EPB41L2: variants seen among roughly 807,000 people sequenced by gnomAD.
EPB41L2 encodes the protein band 4.1-like protein 2.
In EPB41L2, 43 loss-of-function variants were observed where a neutral mutation model predicts 113.0. The ratio of observed to expected loss-of-function variants is 0.38; its 90% CI spans 0.30 to 0.49. The LOEUF (loss-of-function observed/expected upper bound fraction) is 0.49. EPB41L2 is among the 20% of genes least tolerant of loss of function. The pLI is 0.95. For synonymous variants in EPB41L2, 442 were observed against 436.7 expected (o/e 1.01, Z -0.15); for missense variants, 1,147 against 1,223.4 (o/e 0.94, Z 0.93).
At chr6:130,942,766 G>T (rs1159805282) in intron 3 of EPB41L2, among the ~76,000 whole-genome samples, 1 of 152,040 alleles carries the variant, frequency 6.6e-6, no homozygotes, top group Non-Finnish European at 1.5e-5. Context: ...TCCACCACCT[G>T]ACAGGCCCTG....
intron 4 of EPB41L2, among the ~76,000 whole-genome samples, chr6:130,919,247 A>T: frequency 6.6e-6 from 1 of 152,176 alleles, no homozygotes; most frequent in African/African-American, 2.4e-5. Flanking sequence ...ACCACGTATA[A>T]TAAGGAATTA....
rs1037997579 is a variant in EPB41L2, at chr6:130,908,680, C to T, written c.853+141G>A. 4.2e-5 allele frequency: 24 copies of T among 564,928 alleles called. No individual in the cohort carries two copies. In the South Asian group the frequency reaches 8.0e-4, roughly 19 times the overall value. The allele number at this position is 564,928 out of a possible 1,614,324, so 35.0% of individuals were successfully genotyped here. ...AGCCATGTACGAAACAGTCACAATTCCACAAAAATATTATTAGTATTATTA... is the reference window on the plus strand; with the variant it reads ...AGCCATGTACGAAACAGTCACAATTTCACAAAAATATTATTAGTATTATTA... On this transcript the variant is annotated intron_variant, in intron 5 of 19. Coordinates refer to ENST00000337057, the MANE Select transcript of EPB41L2 (RefSeq NM_001431.4).
At chr6:130,919,993 C>T (rs7762876) in intron 4 of EPB41L2, among the ~76,000 whole-genome samples, 1,948 of 152,144 alleles carry the variant, frequency 0.013, 38 homozygotes, top group South Asian at 0.039. Flanking sequence ...TTTTTAACAA[C>T]TGCACCACCT....
intron 1 of EPB41L2, among the ~76,000 whole-genome samples, chr6:130,957,080 C>T (rs930161784): frequency 2.6e-5 from 4 of 152,114 alleles, no homozygotes; most frequent in Non-Finnish European, 4.4e-5. Context: ...TATTAAATCC[C>T]GTAATTCACC....
intron 1 of EPB41L2, among the ~76,000 whole-genome samples, chr6:130,964,020 CTTTT>C: frequency 6.8e-6 from 1 of 147,396 alleles, no homozygotes; most frequent in African/African-American, 2.6e-5. Flanking sequence ...TCTTTCTTTT[CTTTT>C]CCTTTTTTTT....
chr6:130,890,171 C>A (rs138338232), intron 11 of EPB41L2, 123 bp downstream of exon 11: 11 of 967,096 alleles, frequency 1.1e-5, no homozygotes, highest in Non-Finnish European at 1.6e-5. Context: ...TTTATTTACT[C>A]GGGAAAAAAT....
intron 19 of EPB41L2, among the ~76,000 whole-genome samples, chr6:130,844,799 T>C (rs1241173486): frequency 2.0e-5 from 3 of 152,238 alleles, no homozygotes; most frequent in African/African-American, 7.2e-5. Context: ...TCCCAGCACT[T>C]TGGGAGGTCG....
At chr6:130,900,930 G>T in intron 7 of EPB41L2, 32 bp downstream of exon 7, 5 of 1,597,352 alleles carry the variant, frequency 3.1e-6, no homozygotes, top group Non-Finnish European at 4.3e-6. Flanking sequence ...AATCTCCCAT[G>T]GCCATTCTCT....
At chr6:130,974,878 C>T (rs1299553987) in intron 1 of EPB41L2, among the ~76,000 whole-genome samples, 2 of 151,862 alleles carry the variant, frequency 1.3e-5, no homozygotes, top group Non-Finnish European at 2.9e-5. Context: ...CTGCCTCAGC[C>T]TCCCGAGTAC....
chr6:130,904,619 T>C, intron 5 of EPB41L2, 79 bp from the exon 6 acceptor site: 1 of 927,126 alleles, frequency 1.1e-6, no homozygotes, highest in Non-Finnish European at 1.7e-6. Context: ...AGGTCAAGGA[T>C]CAAACAGTAC....
At chr6:131,039,354 T>C (rs1041587121) in intron 1 of EPB41L2, among the ~76,000 whole-genome samples, 1 of 152,142 alleles carries the variant, frequency 6.6e-6, no homozygotes, top group African/African-American at 2.4e-5. Context: ...CAGGAAACTA[T>C]CAGAATAGGA....
chr6:130,942,718 C>T (rs1437375358), intron 3 of EPB41L2, among the ~76,000 whole-genome samples: 1 of 152,180 alleles, frequency 6.6e-6, no homozygotes, highest in Non-Finnish European at 1.5e-5. Flanking sequence ...CTGTCATCTA[C>T]ATTAGGTATT....
rs890181199 is a variant in EPB41L2 at position 130,926,841 on chromosome 6, A to G, written c.706-132T>C. 150 of 594,964 alleles carry G rather than the reference A, an allele frequency of 2.5e-4. 2 individuals carry two copies. The highest frequency in any genetic ancestry group is 3.0e-4 in the Admixed American group (8 of 26,680). The allele number at this position is 594,964 out of a possible 1,614,324, so 36.9% of individuals were successfully genotyped here. On this transcript the variant is annotated intron_variant, in intron 3 of 19. Transcript: ENST00000337057. Reference sequence around the variant, plus strand: ...ATATTTGTTTTCTCATTTTCTAACAATATAAAAGTGATTAATTTTTTAACT... The same window carrying G: ...ATATTTGTTTTCTCATTTTCTAACAGTATAAAAGTGATTAATTTTTTAACT...
At chr6:130,858,851 A>G (rs556986056) in intron 18 of EPB41L2, among the ~76,000 whole-genome samples, 2 of 152,388 alleles carry the variant, frequency 1.3e-5, no homozygotes, top group Admixed American at 6.5e-5. Context: ...GCAACAACAT[A>G]CAATTAGTAA....
At chr6:130,961,285 T>A (rs893664218) in intron 1 of EPB41L2, among the ~76,000 whole-genome samples, 1 of 152,212 alleles carries the variant, frequency 6.6e-6, no homozygotes, top group Non-Finnish European at 1.5e-5. Context: ...ACAATTACCA[T>A]GTTGGCATGC....
At chr6:131,004,778 C>G (rs889664141) in intron 1 of EPB41L2, among the ~76,000 whole-genome samples, 1 of 152,152 alleles carries the variant, frequency 6.6e-6, no homozygotes, top group Admixed American at 6.5e-5. Context: ...CTGCCCAAAT[C>G]ACCCAACTCC....
chr6:130,957,635 A>C (rs962903195), intron 1 of EPB41L2, among the ~76,000 whole-genome samples: 4 of 152,190 alleles, frequency 2.6e-5, no homozygotes, highest in Non-Finnish European at 5.9e-5. Context: ...TCTCTTAAAA[A>C]AAAAAAAAAT....
chr6:130,993,760 C>G (rs945594491), intron 1 of EPB41L2, among the ~76,000 whole-genome samples: 2 of 152,120 alleles, frequency 1.3e-5, no homozygotes, highest in Non-Finnish European at 2.9e-5. Context: ...CTTTCAGGCC[C>G]TGGGGAGAAT....
At chr6:131,019,013 T>C (rs1412332431) in intron 1 of EPB41L2, among the ~76,000 whole-genome samples, 1 of 152,190 alleles carries the variant, frequency 6.6e-6, no homozygotes, top group Non-Finnish European at 1.5e-5. Context: ...ACATGCTCAT[T>C]TGCATATTAA....
Sources: allele counts gnomAD v4.1 joint callset (sites outside exome capture counted in the v4.1 genomes callset), GRCh38; gene constraint gnomAD v4.1.1; transcripts MANE v1.5; gene names NCBI Gene and HGNC (gene_info 2026-07-23, HGNC 2026-07-21).